ZNF385D: variants seen among roughly 807,000 people sequenced by gnomAD.
ZNF385D encodes zinc finger protein 659.
In ZNF385D, 15 loss-of-function variants were observed where a neutral mutation model predicts 35.8. That is an observed-to-expected ratio of 0.42 (90% confidence interval 0.28 to 0.64). The LOEUF (loss-of-function observed/expected upper bound fraction) is 0.64. Among genes scored for constraint, ZNF385D ranks in the 30% least tolerant of loss-of-function variants. The pLI, the probability that ZNF385D is intolerant of heterozygous loss-of-function variation, is 0.23. For missense variants in ZNF385D, 474 were observed against 494.6 expected (o/e 0.96, Z 0.39); for synonymous variants, 212 against 186.8 (o/e 1.13, Z -1.10).
chr3:22,182,388 A>G (rs922989141), intron 2 of ZNF385D, among the ~76,000 whole-genome samples: 1 of 152,120 alleles, frequency 6.6e-6, no homozygotes, highest in African/African-American at 2.4e-5. Context: ...AGTTGAAAGA[A>G]ATAAGTTAAC....
At chr3:22,333,562 C>A (rs187005634) in intron 2 of ZNF385D, among the ~76,000 whole-genome samples, 79 of 152,212 alleles carry the variant, frequency 5.2e-4, no homozygotes, top group Admixed American at 1.1e-3. Flanking sequence ...TTGACATTTA[C>A]CCCATCCAGA....
chr3:21,532,845 CACTT>C (rs1030254750), intron 3 of ZNF385D, among the ~76,000 whole-genome samples: 7 of 152,096 alleles, frequency 4.6e-5, no homozygotes, highest in African/African-American at 1.7e-4. Context: ...TTAAGAAACA[CACTT>C]AAGGTAGTAA....
chr3:22,245,421 T>C (rs1465230573), intron 2 of ZNF385D, among the ~76,000 whole-genome samples: 1 of 145,640 alleles, frequency 6.9e-6, no homozygotes, highest in African/African-American at 2.6e-5. Flanking sequence ...TATTTCAAAA[T>C]ATTTAGAGGT....
intron 3 of ZNF385D, among the ~76,000 whole-genome samples, chr3:21,918,709 T>C (rs1700312905): frequency 6.6e-6 from 1 of 152,222 alleles, no homozygotes; most frequent in African/African-American, 2.4e-5. Context: ...TTTATTCCAA[T>C]ATCACTTTAT....
At chr3:21,492,399 C>A (rs1203765521) in intron 4 of ZNF385D, among the ~76,000 whole-genome samples, 6 of 126,614 alleles carry the variant, frequency 4.7e-5, no homozygotes, top group Admixed American at 2.4e-4. Context: ...CAAACAAAAA[C>A]AAACAAACAA....
chr3:22,220,399 A>C (rs936937295), intron 2 of ZNF385D, among the ~76,000 whole-genome samples: 10 of 151,198 alleles, frequency 6.6e-5, no homozygotes, highest in African/African-American at 2.4e-4. Context: ...TAATTTCTCC[A>C]ATTTCAATCA....
rs180990697 is a variant in ZNF385D at position 21,946,919 on chromosome 3, T to C, written c.325+221898A>G. ...AACATTTTTAAGAAGCCATATCACA[T>C]TGCAATGTGCAGATCTACCATAATT... is the stretch of plus-strand genomic sequence containing the variant. On this transcript the variant is annotated intron_variant, in intron 3 of 5. Transcript: ENST00000494108. 1.0e-3 allele frequency among the ~76,000 whole-genome samples: 153 copies of C among 152,340 alleles called. 1 individual carries two copies. Among genetic ancestry groups the C allele is most frequent in the Admixed American group, 2.4e-3 (37 of 15,310 alleles).
chr3:22,262,240 T>G (rs76951335), intron 2 of ZNF385D, among the ~76,000 whole-genome samples: 3 of 151,998 alleles, frequency 2.0e-5, no homozygotes, highest in African/African-American at 2.4e-5. Flanking sequence ...CATGAGCTAT[T>G]CTGTGAGAAT....
At chr3:21,876,883 T>C (rs2125856427) in intron 3 of ZNF385D, among the ~76,000 whole-genome samples, 1 of 152,254 alleles carries the variant, frequency 6.6e-6, no homozygotes, top group South Asian at 2.1e-4. Flanking sequence ...TTAGGATCAC[T>C]AATCTTCCAA....
At chr3:22,059,110 A>C (rs2125537796) in intron 3 of ZNF385D, among the ~76,000 whole-genome samples, 1 of 152,320 alleles carries the variant, frequency 6.6e-6, no homozygotes, top group East Asian at 1.9e-4. Flanking sequence ...GGTGGAGCTG[A>C]CTTGGCTCAA....
At chr3:21,797,044 A>T (rs1332740326) in intron 3 of ZNF385D, among the ~76,000 whole-genome samples, 1 of 152,236 alleles carries the variant, frequency 6.6e-6, no homozygotes, top group Non-Finnish European at 1.5e-5. Context: ...TCCTTGAAAG[A>T]CATCGTCAAG....
intron 5 of ZNF385D, among the ~76,000 whole-genome samples, chr3:21,426,637 A>G (rs150892600): frequency 3.7e-4 from 56 of 152,124 alleles, no homozygotes; most frequent in African/African-American, 1.3e-3. Context: ...GATTTTAGAA[A>G]TATTTGGTAG....
chr3:22,091,526 CTG>C lies in ZNF385D; in HGVS notation c.325+77289_325+77290del, dbSNP rs1296622949. Among the ~76,000 whole-genome samples, 3 of 152,028 alleles carry C rather than the reference CTG, an allele frequency of 2.0e-5. No individual in the cohort carries two copies. The East Asian group carries it at 5.8e-4, about 29-fold the overall frequency. On this transcript the variant is annotated intron_variant, in intron 3 of 5. Coordinates refer to the ZNF385D transcript ENST00000494108. ...GATCTTCGGCAGTGTCCACTGAACA[CTG>C]TGTTCCTAGGAATGAAATACATGAG...
At chr3:21,471,272 CTTT>C (rs1559323489) in intron 4 of ZNF385D, among the ~76,000 whole-genome samples, 1 of 107,274 alleles carries the variant, frequency 9.3e-6, no homozygotes. Flanking sequence ...CTCTCTCTCT[CTTT>C]CTCTCTCTCT....
intron 4 of ZNF385D, among the ~76,000 whole-genome samples, chr3:21,452,428 TAAG>T (rs1702513391): frequency 6.6e-6 from 1 of 151,976 alleles, no homozygotes; most frequent in Non-Finnish European, 1.5e-5. Flanking sequence ...CCAGAACTAT[TAAG>T]GAGGGGGAGA....
intron 2 of ZNF385D, among the ~76,000 whole-genome samples, chr3:22,186,186 A>C (rs987811805): frequency 6.6e-6 from 1 of 152,194 alleles, no homozygotes; most frequent in Non-Finnish European, 1.5e-5. Context: ...ACTTCAAAAT[A>C]AGAAAGGTCT....
At chr3:21,988,597 C>G (rs1008325402) in intron 3 of ZNF385D, among the ~76,000 whole-genome samples, 1 of 150,818 alleles carries the variant, frequency 6.6e-6, no homozygotes, top group Non-Finnish European at 1.5e-5. Flanking sequence ...ACATTTAAGT[C>G]TGCAGAGGTT....
intron 1 of ZNF385D, among the ~76,000 whole-genome samples, chr3:21,716,399 T>C (rs1349441039): frequency 6.6e-6 from 1 of 152,106 alleles, no homozygotes; most frequent in Non-Finnish European, 1.5e-5. Flanking sequence ...TCCCCACCAT[T>C]ACCATTCTCA....
chr3:21,687,395 A>T (rs370763428), intron 1 of ZNF385D, among the ~76,000 whole-genome samples: 68 of 152,152 alleles, frequency 4.5e-4, no homozygotes, highest in African/African-American at 1.5e-3. Context: ...ATAACTCATA[A>T]TTTTTTTTAT....
Sources: allele counts gnomAD v4.1 joint callset (sites outside exome capture counted in the v4.1 genomes callset), GRCh38; gene constraint gnomAD v4.1.1; transcripts MANE v1.5; gene names NCBI Gene and HGNC (gene_info 2026-07-23, HGNC 2026-07-21).